The following ASB1 variants were observed in gnomAD, a reference collection of about 807,000 sequenced individuals.
ASB1 encodes the protein ankyrin repeat and SOCS box containing 1, also known as ankyrin repeat and SOCS box protein 1.
A neutral mutation model predicts 27.7 loss-of-function variants in ASB1; 18 were observed. That is an observed-to-expected ratio of 0.65 (90% confidence interval 0.45 to 0.96). The LOEUF is 0.96. Ranked by LOEUF, ASB1 falls within the 50% of genes least tolerant of loss-of-function variation. The pLI, the probability that ASB1 is intolerant of heterozygous loss-of-function variation, is 0.00. For synonymous variants in ASB1, 189 were observed against 187.6 expected, an observed-to-expected ratio of 1.01 and a Z score of -0.06; for missense variants, 397 against 451.7, an observed-to-expected ratio of 0.88 and a Z score of 1.10.
chr2:238,438,064 C>T (rs777956662), intron 3 of ASB1, among the ~76,000 whole-genome samples: 1 of 152,118 alleles, frequency 6.6e-6, no homozygotes, highest in Admixed American at 6.5e-5. Flanking sequence ...TTTGGAAATG[C>T]TTTTGAGTAG....
Position 238,448,997 on chromosome 2 carries a change from G to A in ASB1, c.*2486G>A, listed in dbSNP as rs1575011101. 1 of 152,236 alleles carries A rather than the reference G, an allele frequency of 6.6e-6. No individual in the cohort carries two copies. The highest frequency in any genetic ancestry group is 2.4e-5 in the African/African-American group (1 of 41,450). The allele number at this position is 152,236 out of a possible 1,614,324, so 9.4% of individuals were successfully genotyped here. ...GGCCCAGCCTGGCTGGCCTGCAGGT[G>A]TCTAGGGTCTCAGCTTTTCATTTGC... On this transcript the variant is annotated 3_prime_UTR_variant, in exon 5 of 5. Transcript: ENST00000264607.
In ASB1 at chr2:238,448,032, G is replaced by C. The variant is rs1702213016; in HGVS notation, c.*1521G>C. 6.6e-6 allele frequency: 1 copy of C among 152,424 alleles called. No homozygotes were observed. The highest frequency in any genetic ancestry group is 2.1e-4 in the South Asian group (1 of 4,838). The allele number at this position is 152,424 out of a possible 1,614,324, so 9.4% of individuals were successfully genotyped here. ...CAGAGGGGAAAATGCAATCCGGGAG[G>C]TGTTTCCTCAGCTGAGGTGACACTG... On this transcript the variant is annotated 3_prime_UTR_variant, in exon 5 of 5. Coordinates refer to ENST00000264607, the MANE Select transcript of ASB1 (RefSeq NM_001040445.3).
In ASB1 at chr2:238,447,545, T is replaced by C. The variant is rs1040359455; in HGVS notation, c.*1034T>C. On this transcript the variant is annotated 3_prime_UTR_variant, in exon 5 of 5. Transcript: ENST00000264607. The stretch of plus-strand genomic sequence containing the variant: ...ATCATTGCTGATAGCTTTGGCTGCA[T>C]GAGTTGGGCTTCCCCTTACCCAGGG... 2.0e-5 allele frequency: 3 copies of C among 152,272 alleles called. No homozygotes were observed. Among genetic ancestry groups the C allele is most frequent in the Non-Finnish European group, 2.9e-5 (2 of 68,092 alleles). The allele number at this position is 152,272 out of a possible 1,614,324, so 9.4% of individuals were successfully genotyped here. A position where few individuals can be genotyped will look rare whatever the true frequency, so the allele number is the denominator to read the frequency against.
chr2:238,435,418 G>A (rs1405399344), intron 2 of ASB1, among the ~76,000 whole-genome samples: 2 of 152,240 alleles, frequency 1.3e-5, no homozygotes, highest in Non-Finnish European at 2.9e-5. Flanking sequence ...TGTAGAGGAA[G>A]GCACTTCAGA....
At chr2:238,429,349 T>C (rs1431798108) in intron 1 of ASB1, among the ~76,000 whole-genome samples, 1 of 152,194 alleles carries the variant, frequency 6.6e-6, no homozygotes, top group East Asian at 1.9e-4. Flanking sequence ...TAACTATTTT[T>C]ACAAAACTCT....
At position 238,444,273 on chromosome 2, in the gene ASB1, TGGATCTGTG is replaced by T. The variant is rs1462370431; in HGVS notation, c.495-57_495-49del. Reference sequence around the variant, plus strand: ...TGCTCAGGGTGGCTGTGGGATTTGTTGGATCTGTGGGATCTGTGGGCTGTGGTCAGTCCC... The same window carrying T: ...TGCTCAGGGTGGCTGTGGGATTTGTTGGATCTGTGGGCTGTGGTCAGTCCC... On this transcript the variant is annotated intron_variant, in intron 3 of 4. Transcript: ENST00000264607. The T allele has an allele frequency of 3.0e-5, 46 of 1,523,488 alleles. 1 individual carries two copies. In the South Asian group the frequency reaches 5.4e-4, roughly 18 times the overall value. The allele number at this position is 1,523,488 out of a possible 1,614,324, so 94.4% of individuals were successfully genotyped here.
intron 1 of ASB1, among the ~76,000 whole-genome samples, chr2:238,429,360 TA>T (rs1202046164): frequency 3.3e-5 from 5 of 152,322 alleles, no homozygotes; most frequent in African/African-American, 7.2e-5. Flanking sequence ...ACAAAACTCT[TA>T]AATCTTCAGG....
chr2:238,440,110 T>G (rs1702051497), intron 3 of ASB1, among the ~76,000 whole-genome samples: 1 of 152,242 alleles, frequency 6.6e-6, no homozygotes, highest in African/African-American at 2.4e-5. Flanking sequence ...GAGCAGCTCC[T>G]CACTTTCTCC....
In ASB1 at chr2:238,435,961, G is replaced by C. The variant is rs1460810177; in HGVS notation, c.442G>C (p.Val148Leu). The C allele has an allele frequency of 1.2e-6, 2 of 1,614,022 alleles. No homozygotes were observed. Among genetic ancestry groups the C allele is most frequent in the South Asian group, 2.2e-5 (2 of 91,082 alleles). The change falls in exon 3 of 5, where the codon GTC becomes CTC. Residue 148 changes from valine (V) to leucine (L), a missense_variant. Val to Leu is a conservative substitution (Grantham distance 32). Transcript: ENST00000264607. ...NGSRHHRSTP[V>L]YHASRVGRAD... is the part of the protein sequence containing the mutation. ...AAGCCGGCACCATCGCAGCACCCCTGTCTACCACGCCTCTCGCGTGGGCCG... is the reference window on the plus strand; with the variant it reads ...AAGCCGGCACCATCGCAGCACCCCTCTCTACCACGCCTCTCGCGTGGGCCG...
chr2:238,427,298 C>T (rs890719696), intron 1 of ASB1, 179 bp downstream of exon 1: 1 of 400,708 alleles, frequency 2.5e-6, no homozygotes. Flanking sequence ...GCTGGGCGAC[C>T]CCACCACGGA....
intron 3 of ASB1, among the ~76,000 whole-genome samples, chr2:238,439,411 T>C (rs566852262): frequency 6.6e-6 from 1 of 152,282 alleles, no homozygotes; most frequent in African/African-American, 2.4e-5. Context: ...AGCGTTTCTC[T>C]GGACACTCAG....
At chr2:238,444,979 CTTTTTTTTTTTT>C (rs34563680) in intron 4 of ASB1, among the ~76,000 whole-genome samples, 1 of 117,890 alleles carries the variant, frequency 8.5e-6, no homozygotes, top group African/African-American at 3.3e-5. Flanking sequence ...CTCGCGCTCT[CTTTTTTTTTTTT>C]TTTTTTTTGA....
chr2:238,438,199 A>ATTATTTTTTT (rs1702008340), intron 3 of ASB1, among the ~76,000 whole-genome samples: 1 of 98,198 alleles, frequency 1.0e-5, no homozygotes, highest in Non-Finnish European at 1.9e-5. Context: ...GATGCCCTTC[A>ATTATTTTTTT]TTTTTTTTTT....
At chr2:238,441,840 G>A (rs1430709356) in intron 3 of ASB1, among the ~76,000 whole-genome samples, 2 of 152,192 alleles carry the variant, frequency 1.3e-5, no homozygotes, top group Non-Finnish European at 2.9e-5. Context: ...AATAGATCCC[G>A]AGCAGTGTGA....
chr2:238,444,535 G>A lies in ASB1; in HGVS notation c.688G>A (p.Gly230Arg), dbSNP rs762304725. 3.7e-6 allele frequency: 6 copies of A among 1,614,062 alleles called. No individual in the cohort carries two copies. The South Asian group carries it at 6.6e-5, about 18-fold the overall frequency. Residue 230 changes from glycine (G) to arginine (R), a missense_variant, in exon 4 of 5, where the codon GGA becomes AGA. Physicochemically the swap from Gly to Arg is moderately radical, Grantham distance 125 (BLOSUM62 -2). Coordinates refer to ENST00000264607, the MANE Select transcript of ASB1 (RefSeq NM_001040445.3). ...CTGCAATGGTCCTGTCAACACACAGGGATTCTACAGGGGCTCCCCTGGGTG... is the reference window on the plus strand; with the variant it reads ...CTGCAATGGTCCTGTCAACACACAGAGATTCTACAGGGGCTCCCCTGGGTG... ...FNCNGPVNTQ[G>R]FYRGSPGCVM...
chr2:238,443,057 G>A (rs1053671052), intron 3 of ASB1, among the ~76,000 whole-genome samples: 9 of 152,054 alleles, frequency 5.9e-5, no homozygotes, highest in African/African-American at 9.6e-5. Flanking sequence ...ATGTAGCTCC[G>A]GGGATGCTAT....
At chr2:238,442,161 G>T (rs1276032011) in intron 3 of ASB1, among the ~76,000 whole-genome samples, 17 of 139,776 alleles carry the variant, frequency 1.2e-4, no homozygotes, top group Non-Finnish European at 2.1e-4. Context: ...TCGCTCTGTT[G>T]CCCAGGCTGG....
chr2:238,427,511 T>A, intron 1 of ASB1: 1 of 174,560 alleles, frequency 5.7e-6, no homozygotes, highest in Non-Finnish European at 1.2e-5. Flanking sequence ...GGCAGGCACT[T>A]TTTCACCATT....
chr2:238,448,157 G>A lies in ASB1; in HGVS notation c.*1646G>A, dbSNP rs747268421. 3 of 152,466 alleles carry A rather than the reference G, an allele frequency of 2.0e-5. No individual in the cohort carries two copies. The highest frequency in any genetic ancestry group is 4.8e-5 in the African/African-American group (2 of 41,460). 9.4% of individuals were successfully genotyped at this position (152,466 alleles called of 1,614,324 possible). A position where few individuals can be genotyped will look rare whatever the true frequency, so the allele number is the denominator to read the frequency against. ...AAGCCAGGAGGGTCTTCCCAAGATA[G>A]GAGAGGAACCGCAGGTGGTGAGCGG... On this transcript the variant is annotated 3_prime_UTR_variant, in exon 5 of 5. Transcript: ENST00000264607.
Sources: allele counts gnomAD v4.1 joint callset (sites outside exome capture counted in the v4.1 genomes callset), GRCh38; gene constraint gnomAD v4.1.1; transcripts MANE v1.5; gene names NCBI Gene and HGNC (gene_info 2026-07-23, HGNC 2026-07-21).